The following MIPOL1 variants were observed in gnomAD, a reference collection of about 807,000 sequenced individuals.
The protein encoded by MIPOL1 is mirror-image polydactyly gene 1 protein.
MIPOL1 carries 57 observed loss-of-function variants against 60.9 expected under a neutral mutation model. The ratio of observed to expected loss-of-function variants is 0.94; its 90% CI spans 0.76 to 1.17. The LOEUF is 1.17. Among genes scored for constraint, MIPOL1 ranks in the 50% most tolerant of loss-of-function variants. The pLI is 0.00. For synonymous variants in MIPOL1, 179 were observed against 168.8 expected (o/e 1.06, Z -0.47); for missense variants, 551 against 511.6 (o/e 1.08, Z -0.74).
intron 9 of MIPOL1, among the ~76,000 whole-genome samples, chr14:37,309,803 C>G (rs540711009): frequency 1.3e-4 from 20 of 151,816 alleles, no homozygotes; most frequent in Non-Finnish European, 2.8e-4. Context: ...TCTTCTGTCT[C>G]AGCCTCCTGA....
At chr14:37,221,205 T>G (rs186967307) in intron 1 of MIPOL1, among the ~76,000 whole-genome samples, 2 of 152,280 alleles carry the variant, frequency 1.3e-5, no homozygotes, top group South Asian at 2.1e-4. Flanking sequence ...GAGCAGAAAC[T>G]TATTTGACTT....
intron 11 of MIPOL1, among the ~76,000 whole-genome samples, chr14:37,464,541 G>A (rs943691806): frequency 6.6e-6 from 1 of 152,084 alleles, no homozygotes; most frequent in Non-Finnish European, 1.5e-5. Flanking sequence ...ATGGATACAC[G>A]TGGAAATACA....
In MIPOL1 at chr14:37,356,509, G is replaced by C. The variant is rs549913886; in HGVS notation, c.829-13008G>C. Reference sequence around the variant, plus strand: ...TGGCGGGCGCCCCTCCCCCAGCCTCGCTGCCGCCTTGCAGTTTGATCTCAG... The same window carrying C: ...TGGCGGGCGCCCCTCCCCCAGCCTCCCTGCCGCCTTGCAGTTTGATCTCAG... On this transcript the variant is annotated intron_variant, in intron 9 of 12. Transcript: ENST00000684589. 2.6e-5 allele frequency among the ~76,000 whole-genome samples: 4 copies of C among 152,226 alleles called. No individual in the cohort carries two copies. In the South Asian group the frequency reaches 6.2e-4, roughly 24 times the overall value.
chr14:37,248,622 A>G (rs2153357717), intron 3 of MIPOL1, among the ~76,000 whole-genome samples: 1 of 151,096 alleles, frequency 6.6e-6, no homozygotes, highest in African/African-American at 2.4e-5. Flanking sequence ...ACAGATATCT[A>G]TATCTATATC....
At chr14:37,350,336 C>CA (rs1318916942) in intron 9 of MIPOL1, among the ~76,000 whole-genome samples, 1 of 152,206 alleles carries the variant, frequency 6.6e-6, no homozygotes, top group Non-Finnish European at 1.5e-5. Flanking sequence ...CCTCAAACCC[C>CA]AAAGTGCTGG....
intron 1 of MIPOL1, among the ~76,000 whole-genome samples, chr14:37,228,414 C>G (rs1208461482): frequency 6.9e-6 from 1 of 145,782 alleles, no homozygotes; most frequent in African/African-American, 2.5e-5. Flanking sequence ...TTAAGGGGAA[C>G]TGGACACCTT....
intron 10 of MIPOL1, among the ~76,000 whole-genome samples, chr14:37,394,412 A>G (rs868793662): frequency 3.1e-4 from 47 of 151,866 alleles, no homozygotes; most frequent in African/African-American, 1.1e-3. Flanking sequence ...CACTGCATCC[A>G]TACCGTCATC....
chr14:37,546,894 C>A lies in MIPOL1; in HGVS notation c.1263-11C>A. ...TTTCCCCTTCTCACCCCCATCCCAA[C>A]CCCAACTTAGGTTGGAAAGGCTGGT... On this transcript the variant is annotated splice_polypyrimidine_tract_variant and intron_variant, in intron 12 of 12. Transcript: ENST00000684589. The A allele has an allele frequency of 6.2e-7, 1 of 1,612,484 alleles. No individual in the cohort carries two copies. Among genetic ancestry groups the A allele is most frequent in the Non-Finnish European group, 8.5e-7 (1 of 1,178,970 alleles).
intron 11 of MIPOL1, among the ~76,000 whole-genome samples, chr14:37,446,676 A>G (rs552940704): frequency 6.6e-6 from 1 of 152,302 alleles, no homozygotes; most frequent in East Asian, 1.9e-4. Flanking sequence ...AACCAACCCA[A>G]ATGTCCAACA....
At chr14:37,361,867 A>C (rs1003169906) in intron 9 of MIPOL1, among the ~76,000 whole-genome samples, 2 of 151,924 alleles carry the variant, frequency 1.3e-5, no homozygotes, top group African/African-American at 2.4e-5. Flanking sequence ...TTGGCCTTTC[A>C]AAGTGCTGTT....
At chr14:37,508,525 C>A (rs899396764) in intron 12 of MIPOL1, among the ~76,000 whole-genome samples, 1 of 152,086 alleles carries the variant, frequency 6.6e-6, no homozygotes, top group Non-Finnish European at 1.5e-5. Flanking sequence ...CTTCATGTAT[C>A]TTCAGCAATA....
chr14:37,208,877 C>T (rs1200004201), intron 1 of MIPOL1, among the ~76,000 whole-genome samples: 1 of 152,182 alleles, frequency 6.6e-6, no homozygotes, highest in African/African-American at 2.4e-5. Flanking sequence ...AGGCATGAGC[C>T]ACTGTGCCTG....
intron 10 of MIPOL1, among the ~76,000 whole-genome samples, chr14:37,386,333 A>G (rs1376740815): frequency 6.6e-6 from 1 of 152,020 alleles, no homozygotes; most frequent in Non-Finnish European, 1.5e-5. Flanking sequence ...GATGTCATAT[A>G]TTCTGTGATG....
chr14:37,369,405 A>T (rs2092574926), intron 9 of MIPOL1, 112 bp from the exon 10 acceptor site: 10 of 614,138 alleles, frequency 1.6e-5, no homozygotes, highest in Non-Finnish European at 2.7e-5. Context: ...GTTGCAAAAA[A>T]AAAACCTTGT....
intron 10 of MIPOL1, among the ~76,000 whole-genome samples, chr14:37,383,533 A>G (rs2092984000): frequency 6.6e-6 from 1 of 151,924 alleles, no homozygotes; most frequent in African/African-American, 2.4e-5. Flanking sequence ...TATGATGGTC[A>G]GGTTTTAAGT....
At chr14:37,266,325 T>C (rs1411400086) in intron 3 of MIPOL1, among the ~76,000 whole-genome samples, 1 of 152,218 alleles carries the variant, frequency 6.6e-6, no homozygotes, top group Non-Finnish European at 1.5e-5. Context: ...TTGTTCATTC[T>C]TGACAGCTCA....
chr14:37,383,676 G>T (rs546917919), intron 10 of MIPOL1, among the ~76,000 whole-genome samples: 1 of 151,914 alleles, frequency 6.6e-6, no homozygotes, highest in Non-Finnish European at 1.5e-5. Flanking sequence ...GACCAAGAAA[G>T]AATTACCAAG....
At chr14:37,377,764 T>A in intron 10 of MIPOL1, among the ~76,000 whole-genome samples, 1 of 146,452 alleles carries the variant, frequency 6.8e-6, no homozygotes, top group South Asian at 2.1e-4. Flanking sequence ...TTTTTTTTTT[T>A]AAGAGACAGG....
At chr14:37,348,289 G>T (rs550587872) in intron 9 of MIPOL1, among the ~76,000 whole-genome samples, 2 of 152,026 alleles carry the variant, frequency 1.3e-5, no homozygotes, top group African/African-American at 4.8e-5. Flanking sequence ...GAAAAAAAGC[G>T]TTCAGCCTGG....
Sources: allele counts gnomAD v4.1 joint callset (sites outside exome capture counted in the v4.1 genomes callset), GRCh38; gene constraint gnomAD v4.1.1; transcripts MANE v1.5; gene names NCBI Gene and HGNC (gene_info 2026-07-23, HGNC 2026-07-21).